ZEB2: variants seen among roughly 807,000 people sequenced by gnomAD.
ZEB2 encodes the protein zinc finger E-box-binding homeobox 2.
ZEB2 carries 6 observed loss-of-function variants against 99.9 expected under a neutral mutation model. The observed-to-expected ratio is 0.06, with a 90% CI of 0.03 to 0.12. ZEB2 has a LOEUF of 0.12. Among genes scored for constraint, ZEB2 ranks in the 10% least tolerant of loss-of-function variants. ZEB2 has a pLI of 1.00. For missense variants in ZEB2, 969 were observed against 1,502.8 expected (o/e 0.64, Z 5.87); for synonymous variants, 517 against 542.5 (o/e 0.95, Z 0.65).
chr2:144,444,489 GC>G (rs1703958698), intron 2 of ZEB2, among the ~76,000 whole-genome samples: 1 of 152,190 alleles, frequency 6.6e-6, no homozygotes, highest in African/African-American at 2.4e-5. Flanking sequence ...TGTGTCACCA[GC>G]TGGGGGTCGG....
At chr2:144,494,954 G>A (rs1704739201) in intron 2 of ZEB2, 1 of 152,004 alleles carries the variant, frequency 6.6e-6, no homozygotes, top group South Asian at 2.1e-4. Flanking sequence ...AAAAAGAAAG[G>A]AAAAAATGCC....
intron 1 of ZEB2, 73 bp downstream of exon 1, chr2:144,519,866 A>G (rs1281665933): frequency 1.1e-5 from 4 of 379,972 alleles, no homozygotes; most frequent in Non-Finnish European, 2.0e-5. Flanking sequence ...TGAGAAAATT[A>G]GAAAAGGAGG....
rs1480327570 is a variant in ZEB2 at position 144,455,674 on chromosome 2, T to A, written c.74-25648A>T. Among the ~76,000 whole-genome samples, 6 of 152,190 alleles carry A rather than the reference T, an allele frequency of 3.9e-5. No individual in the cohort carries two copies. The East Asian group carries it at 1.2e-3, about 29-fold the overall frequency. On this transcript the variant is annotated intron_variant, in intron 2 of 9. Transcript: ENST00000627532. ...GCATAAGTTTAATAAAAATGATACATCACCTCTCTGTTAGGTTTATAATTT... is the reference window on the plus strand; with the variant it reads ...GCATAAGTTTAATAAAAATGATACAACACCTCTCTGTTAGGTTTATAATTT...
At chr2:144,491,879 T>C (rs1196680169) in intron 2 of ZEB2, among the ~76,000 whole-genome samples, 1 of 152,228 alleles carries the variant, frequency 6.6e-6, no homozygotes. Context: ...CCTCATTATG[T>C]AGTACTATAT....
rs1703117284 is a variant in ZEB2, at chr2:144,388,934, C to T, written c.*517G>A. The T allele has an allele frequency of 6.5e-5, 28 of 427,674 alleles. 2 individuals carry two copies. Among genetic ancestry groups the T allele is most frequent in the South Asian group, 3.4e-4 (20 of 58,198 alleles). 26.5% of individuals were successfully genotyped at this position (427,674 alleles called of 1,614,324 possible). ...GCCTAAAATTGTGTGGTTACTTAAGCTGAAAAAAAAAATGGGAAATTGATG... is the reference window on the plus strand; with the variant it reads ...GCCTAAAATTGTGTGGTTACTTAAGTTGAAAAAAAAAATGGGAAATTGATG... On this transcript the variant is annotated 3_prime_UTR_variant, in exon 10 of 10. Transcript: ENST00000627532. The surrounding 1 kb of genome is among the most constrained non-coding windows in gnomAD (Gnocchi z 5.4).
chr2:144,493,502 G>T (rs1258820032), intron 2 of ZEB2, among the ~76,000 whole-genome samples: 1 of 152,338 alleles, frequency 6.6e-6, no homozygotes, highest in African/African-American at 2.4e-5. Flanking sequence ...ATTTGTTTGG[G>T]TCTGAATCCT....
chr2:144,394,312 T>G (rs1573711546), intron 9 of ZEB2: 1 of 152,354 alleles, frequency 6.6e-6, no homozygotes, highest in Non-Finnish European at 1.5e-5. Context: ...GTTACAATTC[T>G]CTAATTTATA....
intron 2 of ZEB2, among the ~76,000 whole-genome samples, chr2:144,490,953 G>A (rs1560647419): frequency 1.3e-5 from 2 of 152,218 alleles, no homozygotes; most frequent in South Asian, 2.1e-4. Context: ...CCCTGAGTAG[G>A]CATTGACTTG....
chr2:144,408,787 A>G (rs539013103), intron 4 of ZEB2, among the ~76,000 whole-genome samples: 3 of 152,304 alleles, frequency 2.0e-5, no homozygotes, highest in South Asian at 2.1e-4. Context: ...CCTAGCCACA[A>G]TTGATCTCTG....
chr2:144,426,604 AGTTG>A lies in ZEB2; in HGVS notation c.332-1741_332-1738del, dbSNP rs1411346175. The A allele has an allele frequency of 4.6e-5, 7 of 152,164 alleles. No individual in the cohort carries two copies. In the East Asian group the frequency reaches 1.4e-3, roughly 29 times the overall value. 9.4% of individuals were successfully genotyped at this position (152,164 alleles called of 1,614,324 possible). A position where few individuals can be genotyped will look rare whatever the true frequency, so the allele number is the denominator to read the frequency against. The stretch of plus-strand genomic sequence containing the variant: ...TGAAAAAGTAAAGAGAAGTTACAGT[AGTTG>A]GTTGCTTCCCAAATTAATAAATGCT... On this transcript the variant is annotated intron_variant, in intron 3 of 9. Coordinates refer to ENST00000627532, the MANE Select transcript of ZEB2 (RefSeq NM_014795.4).
In ZEB2 at chr2:144,424,679, T is replaced by C. The variant is rs1573739471; in HGVS notation, c.403+117A>G. On this transcript the variant is annotated intron_variant, in intron 4 of 9. Coordinates refer to ENST00000627532, the MANE Select transcript of ZEB2 (RefSeq NM_014795.4). ...GAAACAAAACCAGAGACCTGTAAAG[T>C]TGACTACTTGTTAAGTCATGGAGAT... 5.6e-6 allele frequency: 7 copies of C among 1,247,998 alleles called. No individual in the cohort carries two copies. In the African/African-American group the frequency reaches 5.9e-5, roughly 11 times the overall value. 77.3% of individuals were successfully genotyped at this position (1,247,998 alleles called of 1,614,324 possible).
intron 2 of ZEB2, among the ~76,000 whole-genome samples, chr2:144,447,787 G>A (rs1704005768): frequency 6.6e-6 from 1 of 152,186 alleles, no homozygotes; most frequent in Non-Finnish European, 1.5e-5. Flanking sequence ...TGCAAAGAGA[G>A]GAAACAACCT....
intron 2 of ZEB2, among the ~76,000 whole-genome samples, chr2:144,442,203 T>G (rs1703927066): frequency 6.6e-6 from 1 of 152,176 alleles, no homozygotes; most frequent in African/African-American, 2.4e-5. Context: ...CTTTCTCAAT[T>G]TATTATGGTG....
At chr2:144,511,621 T>G in intron 2 of ZEB2, 1 of 1,286,628 alleles carries the variant, frequency 7.8e-7, no homozygotes, top group Non-Finnish European at 1.0e-6. Context: ...AAATAGTCAT[T>G]CAATAGATTT....
At position 144,404,101 on chromosome 2, in the gene ZEB2, C is replaced by T; in HGVS notation, c.622G>A (p.Ala208Thr). ...CAGTAGGGGCAGGTCAGCAGTTGGG[C>T]AAAAGCATCTGGAGTTCCAGGTGGC... The part of the protein sequence containing the change: ...DLPPGTPDAF[A>T]QLLTCPYCDR... Residue 208 changes from alanine to threonine, a missense_variant, in exon 6 of 10, where the codon GCC (alanine) becomes ACC (threonine). Coordinates refer to ENST00000627532, the MANE Select transcript of ZEB2 (RefSeq NM_014795.4). The T allele has an allele frequency of 6.2e-7, 1 of 1,614,038 alleles. No homozygotes were observed. Among genetic ancestry groups the T allele is most frequent in the Non-Finnish European group, 8.5e-7 (1 of 1,180,012 alleles).
At position 144,398,671 on chromosome 2, in the gene ZEB2, G is replaced by C. The variant is rs757845450; in HGVS notation, c.2516C>G (p.Ala839Gly). 3 of 1,613,784 alleles carry C rather than the reference G, an allele frequency of 1.9e-6. No individual in the cohort carries two copies. Among genetic ancestry groups the C allele is most frequent in the African/African-American group, 1.3e-5 (1 of 74,818 alleles). Residue 839 changes from alanine (A) to glycine (G), a missense_variant, in exon 8 of 10, where the codon GCT (alanine) becomes GGT (glycine). Coordinates refer to ENST00000627532, the MANE Select transcript of ZEB2 (RefSeq NM_014795.4). ...GTTATGATCTAAACTGATGCTACTA[G>C]CTTTTGTTTTGTTCTTTGTGGCTAT... ...SIIATKNKTK[A>G]SSISLDHNSV...
At chr2:144,394,172 C>G (rs750871272) in intron 9 of ZEB2, among the ~76,000 whole-genome samples, 1 of 152,204 alleles carries the variant, frequency 6.6e-6, no homozygotes, top group Non-Finnish European at 1.5e-5. Flanking sequence ...CCACCTGCCT[C>G]TGCCTCCAAA....
intron 4 of ZEB2, among the ~76,000 whole-genome samples, chr2:144,415,678 C>G (rs191331386): frequency 6.6e-6 from 1 of 152,322 alleles, no homozygotes; most frequent in Middle Eastern, 3.4e-3. Flanking sequence ...TTCGTCAACT[C>G]ACTCATCATT....
chr2:144,483,135 C>CACAT (rs1401395085), intron 2 of ZEB2, among the ~76,000 whole-genome samples: 2 of 143,788 alleles, frequency 1.4e-5, no homozygotes, highest in African/African-American at 5.2e-5. Flanking sequence ...CACACACACA[C>CACAT]ACACACACAC....
Sources: allele counts gnomAD v4.1 joint callset (sites outside exome capture counted in the v4.1 genomes callset), GRCh38; gene constraint gnomAD v4.1.1; non-coding constraint Gnocchi (gnomAD v3.1); transcripts MANE v1.5; gene names NCBI Gene and HGNC (gene_info 2026-07-23, HGNC 2026-07-21).